Variants in THSD7B observed in about 807,000 individuals in gnomAD.
THSD7B encodes thrombospondin type-1 domain-containing protein 7B.
THSD7B carries 138 observed loss-of-function variants against 213.6 expected under a neutral mutation model. The observed-to-expected ratio is 0.65, with a 90% CI of 0.56 to 0.74. THSD7B has a LOEUF of 0.74. Ranked by LOEUF, THSD7B falls within the 30% of genes least tolerant of loss-of-function variation. The pLI, the probability that THSD7B is intolerant of heterozygous loss-of-function variation, is 0.00. For missense variants in THSD7B, 1,931 were observed against 1,991.5 expected, an observed-to-expected ratio of 0.97 and a Z score of 0.58; for synonymous variants, 742 against 687.0, an observed-to-expected ratio of 1.08 and a Z score of -1.25.
At chr2:137,254,877 G>T (rs1682268277) in intron 10 of THSD7B, among the ~76,000 whole-genome samples, 1 of 152,018 alleles carries the variant, frequency 6.6e-6, no homozygotes, top group South Asian at 2.1e-4. Context: ...TTATGTGAGT[G>T]TGTATGTGTG....
intron 16 of THSD7B, among the ~76,000 whole-genome samples, chr2:137,570,303 A>T (rs914991919): frequency 6.7e-6 from 1 of 150,090 alleles, no homozygotes; most frequent in African/African-American, 2.4e-5. Flanking sequence ...TATTATTATT[A>T]ATTATTATTA....
rs555903312 is a variant in THSD7B, at chr2:137,595,080, G to T, written c.3424-21095G>T. On this transcript the variant is annotated intron_variant, in intron 17 of 27. Transcript: ENST00000409968. ...ATGGCACTACTATGCTAAATTCACT[G>T]CTACTAAAAGTACTCTTTTTCTGTG... Among the ~76,000 whole-genome samples the T allele has an allele frequency of 2.6e-5, 4 of 151,938 alleles. No individual in the cohort carries two copies. In the South Asian group the frequency reaches 8.3e-4, roughly 32 times the overall value.
In THSD7B at chr2:136,994,923, C is replaced by G. The variant is rs149570919; in HGVS notation, c.140-61497C>G. On this transcript the variant is annotated intron_variant, in intron 2 of 27. Coordinates refer to ENST00000409968, the MANE Select transcript of THSD7B (RefSeq NM_001316349.2). ...CTGTGTGGTAATCCTATTTGAAATG[C>G]AGTTTGGAAGAGTTGCTAGATGCTG... is the stretch of plus-strand genomic sequence containing the variant. 2.6e-5 allele frequency among the ~76,000 whole-genome samples: 4 copies of G among 152,264 alleles called. No individual in the cohort carries two copies. The East Asian group carries it at 7.7e-4, about 29-fold the overall frequency.
intron 2 of THSD7B, among the ~76,000 whole-genome samples, chr2:137,026,501 G>A (rs1296216829): frequency 6.6e-6 from 1 of 152,112 alleles, no homozygotes; most frequent in South Asian, 2.1e-4. Context: ...GTTTTTTATA[G>A]TACTAGGCTC....
At chr2:136,959,543 A>G (rs1185895759) in intron 2 of THSD7B, among the ~76,000 whole-genome samples, 2 of 152,344 alleles carry the variant, frequency 1.3e-5, no homozygotes, top group Admixed American at 6.5e-5. Flanking sequence ...CACTCATTTC[A>G]TAAAGTTTTT....
intron 26 of THSD7B, among the ~76,000 whole-genome samples, chr2:137,664,053 A>G (rs1487356859): frequency 6.6e-6 from 1 of 152,058 alleles, no homozygotes; most frequent in Non-Finnish European, 1.5e-5. Flanking sequence ...GAGTTTCGCC[A>G]TGTTGGCCAG....
intron 19 of THSD7B, 21 bp from the exon 20 acceptor site, chr2:137,620,588 G>A (rs756233628): frequency 1.3e-6 from 2 of 1,571,478 alleles, no homozygotes; most frequent in East Asian, 2.2e-5. Context: ...CAATAAAGTT[G>A]TGTTTCATTT....
At chr2:136,806,021 C>G (rs779328888) in intron 1 of THSD7B, among the ~76,000 whole-genome samples, 10 of 152,200 alleles carry the variant, frequency 6.6e-5, no homozygotes, top group Non-Finnish European at 1.0e-4. Context: ...GCTGTTGTCA[C>G]TCAGTGCTGG....
chr2:137,147,210 T>G (rs1416609970), intron 5 of THSD7B, among the ~76,000 whole-genome samples: 1 of 152,152 alleles, frequency 6.6e-6, no homozygotes, highest in African/African-American at 2.4e-5. Context: ...AATACATGAA[T>G]GCACATGGGA....
intron 1 of THSD7B, among the ~76,000 whole-genome samples, chr2:136,788,845 C>T (rs567887552): frequency 1.4e-4 from 22 of 152,160 alleles, no homozygotes; most frequent in South Asian, 4.1e-4. Flanking sequence ...TCTCTTTTCT[C>T]CTTATCTGGT....
At chr2:136,933,232 A>C (rs1217419548) in intron 2 of THSD7B, among the ~76,000 whole-genome samples, 1 of 151,114 alleles carries the variant, frequency 6.6e-6, no homozygotes, top group Non-Finnish European at 1.5e-5. Flanking sequence ...CTTGGAAAAT[A>C]AAAGATAACT....
At chr2:137,438,502 G>A (rs906305343) in intron 14 of THSD7B, among the ~76,000 whole-genome samples, 10 of 151,984 alleles carry the variant, frequency 6.6e-5, no homozygotes, top group South Asian at 2.1e-4. Flanking sequence ...TGCTTGTTGC[G>A]GTGTGAAAGC....
chr2:137,506,310 C>T (rs1319636295), intron 15 of THSD7B, among the ~76,000 whole-genome samples: 1 of 152,166 alleles, frequency 6.6e-6, no homozygotes, highest in Non-Finnish European at 1.5e-5. Flanking sequence ...AAAACTTCAC[C>T]ATTTACACAC....
Position 136,856,502 on chromosome 2 carries a change from A to T in THSD7B, c.-35-25642A>T, listed in dbSNP as rs146329553. On this transcript the variant is annotated intron_variant, in intron 1 of 27. Coordinates refer to ENST00000409968, the MANE Select transcript of THSD7B (RefSeq NM_001316349.2). ...AGCTCTTGAAGACACAGATCACTCC[A>T]TTATAATGAGCTGGATTTTTTTTTT... Among the ~76,000 whole-genome samples the T allele has an allele frequency of 1.7e-3, 250 of 150,658 alleles. 2 individuals are homozygous for T. Among genetic ancestry groups the T allele is most frequent in the South Asian group, 4.6e-3 (22 of 4,756 alleles).
intron 2 of THSD7B, among the ~76,000 whole-genome samples, chr2:136,966,480 G>C (rs1001196558): frequency 6.6e-6 from 1 of 152,174 alleles, no homozygotes; most frequent in Non-Finnish European, 1.5e-5. Context: ...GCCTCCAAAA[G>C]TGCTGGAATT....
rs2104806365 is a variant in THSD7B at position 137,585,130 on chromosome 2, G to A, written c.3423+12574G>A. ...GATTTTCTAGTTTATTTGCATAGAGGTGTTTATAGTATTCTCTGATGGTAG... is the reference window on the plus strand; with the variant it reads ...GATTTTCTAGTTTATTTGCATAGAGATGTTTATAGTATTCTCTGATGGTAG... On this transcript the variant is annotated intron_variant, in intron 17 of 27. Transcript: ENST00000409968. 2.0e-5 allele frequency among the ~76,000 whole-genome samples: 3 copies of A among 152,230 alleles called. No individual in the cohort carries two copies. The South Asian group carries it at 6.2e-4, about 32-fold the overall frequency.
chr2:136,793,403 C>A (rs1478956217), intron 1 of THSD7B, among the ~76,000 whole-genome samples: 1 of 151,986 alleles, frequency 6.6e-6, no homozygotes, highest in East Asian at 1.9e-4. Flanking sequence ...TTATTCACAA[C>A]TTTTGCCCAT....
chr2:136,978,627 C>T (rs1337294281), intron 2 of THSD7B, among the ~76,000 whole-genome samples: 1 of 152,098 alleles, frequency 6.6e-6, no homozygotes, highest in Non-Finnish European at 1.5e-5. Context: ...TTTCTACTTT[C>T]TGTTTGCTTG....
At chr2:137,461,115 T>C (rs916287321) in intron 15 of THSD7B, among the ~76,000 whole-genome samples, 2 of 152,124 alleles carry the variant, frequency 1.3e-5, no homozygotes, top group African/African-American at 4.8e-5. Context: ...CATTTTATTG[T>C]TGATGGGCAT....
Sources: allele counts gnomAD v4.1 joint callset (sites outside exome capture counted in the v4.1 genomes callset), GRCh38; gene constraint gnomAD v4.1.1; transcripts MANE v1.5; gene names NCBI Gene and HGNC (gene_info 2026-07-23, HGNC 2026-07-21).